Variants in ATRNL1 observed in about 807,000 individuals in gnomAD.
ATRNL1 encodes the protein attractin like 1.
Under a neutral mutation model 182.7 loss-of-function variants are expected in ATRNL1, and 95 were observed. That is an observed-to-expected ratio of 0.52 (90% confidence interval 0.44 to 0.62). The LOEUF (loss-of-function observed/expected upper bound fraction) is 0.62. ATRNL1 is among the 20% of genes least tolerant of loss of function. ATRNL1 has a pLI of 0.00. For missense variants in ATRNL1, 1,471 were observed against 1,679.5 expected (o/e 0.88, Z 2.17); for synonymous variants, 576 against 568.3 (o/e 1.01, Z -0.19).
chr10:115,606,945 C>A (rs940770819), intron 26 of ATRNL1, among the ~76,000 whole-genome samples: 1 of 151,976 alleles, frequency 6.6e-6, no homozygotes, highest in Admixed American at 6.6e-5. Context: ...TAACTGTCAG[C>A]GTTTGTTACA....
intron 17 of ATRNL1, among the ~76,000 whole-genome samples, chr10:115,304,139 A>C (rs1313763862): frequency 6.6e-6 from 1 of 152,140 alleles, no homozygotes; most frequent in African/African-American, 2.4e-5. Flanking sequence ...TTTTCCTAGG[A>C]GTGTAGGCCA....
intron 8 of ATRNL1, among the ~76,000 whole-genome samples, chr10:115,207,467 G>A (rs1215671899): frequency 6.6e-6 from 1 of 151,870 alleles, no homozygotes; most frequent in Non-Finnish European, 1.5e-5. Context: ...TCATATGTCT[G>A]TTGGCAATAG....
At chr10:115,257,488 T>C (rs1471509724) in intron 10 of ATRNL1, among the ~76,000 whole-genome samples, 1 of 152,228 alleles carries the variant, frequency 6.6e-6, no homozygotes, top group Non-Finnish European at 1.5e-5. Flanking sequence ...TTGGTAGATC[T>C]TCCTCCATCC....
At chr10:115,673,679 A>G (rs1945770888) in intron 26 of ATRNL1, among the ~76,000 whole-genome samples, 1 of 152,162 alleles carries the variant, frequency 6.6e-6, no homozygotes. Flanking sequence ...TGTGTTTTCC[A>G]GTGATGACCA....
chr10:115,492,426 T>C (rs983926477), intron 24 of ATRNL1, among the ~76,000 whole-genome samples: 4 of 152,106 alleles, frequency 2.6e-5, no homozygotes, highest in African/African-American at 9.6e-5. Flanking sequence ...ATTCTTCATA[T>C]TCTTGCATCA....
chr10:115,219,040 G>T (rs959372701), intron 9 of ATRNL1, among the ~76,000 whole-genome samples: 8 of 152,042 alleles, frequency 5.3e-5, no homozygotes, highest in African/African-American at 1.9e-4. Context: ...TTTGAGACCA[G>T]CCTGGCCAAT....
chr10:115,801,014 C>T (rs1565391088), intron 27 of ATRNL1, among the ~76,000 whole-genome samples: 1 of 152,230 alleles, frequency 6.6e-6, no homozygotes, highest in South Asian at 2.1e-4. Flanking sequence ...AACAGGTTCA[C>T]ATCCCCATCT....
chr10:115,476,885 T>G (rs1285066656), intron 24 of ATRNL1, among the ~76,000 whole-genome samples: 2 of 151,488 alleles, frequency 1.3e-5, no homozygotes, highest in Non-Finnish European at 3.0e-5. Flanking sequence ...CACAGTTTAT[T>G]TATATTTATT....
intron 24 of ATRNL1, among the ~76,000 whole-genome samples, chr10:115,477,971 G>A (rs1409469361): frequency 6.6e-6 from 1 of 151,608 alleles, no homozygotes; most frequent in African/African-American, 2.4e-5. Flanking sequence ...CTCATTGTCA[G>A]TAAGCAGTAG....
intron 28 of ATRNL1, among the ~76,000 whole-genome samples, chr10:115,876,153 T>G (rs1239731552): frequency 2.0e-5 from 3 of 152,226 alleles, no homozygotes; most frequent in African/African-American, 7.2e-5. Context: ...AGGCAGCATA[T>G]TTAATGGTCA....
intron 27 of ATRNL1, among the ~76,000 whole-genome samples, chr10:115,759,962 G>T (rs955487156): frequency 7.4e-5 from 11 of 149,114 alleles, no homozygotes; most frequent in Non-Finnish European, 1.2e-4. Context: ...AAAGTGCTGC[G>T]ATTACAAGCG....
At position 115,334,483 on chromosome 10, in the gene ATRNL1, C is replaced by T. The variant is rs189748153; in HGVS notation, c.3175+64C>T. On this transcript the variant is annotated intron_variant, in intron 19 of 28. Coordinates refer to ENST00000355044, the MANE Select transcript of ATRNL1 (RefSeq NM_207303.4). Reference sequence around the variant, plus strand: ...AAGGAAAAGATAATTAAGAAAGCAGCGCCTGTTGTGGAGAATATATACTAC... The same window carrying T: ...AAGGAAAAGATAATTAAGAAAGCAGTGCCTGTTGTGGAGAATATATACTAC... 1.9e-5 allele frequency: 25 copies of T among 1,305,918 alleles called. No individual in the cohort carries two copies. In the East Asian group the frequency reaches 3.9e-4, roughly 20 times the overall value. The allele number at this position is 1,305,918 out of a possible 1,614,324, so 80.9% of individuals were successfully genotyped here.
chr10:115,592,541 C>T (rs371879660), intron 26 of ATRNL1, among the ~76,000 whole-genome samples: 2 of 152,138 alleles, frequency 1.3e-5, no homozygotes, highest in African/African-American at 2.4e-5. Context: ...TACTCCACCC[C>T]GCTAAGTCCT....
At chr10:115,249,601 T>A (rs1850789211) in intron 10 of ATRNL1, among the ~76,000 whole-genome samples, 1 of 152,150 alleles carries the variant, frequency 6.6e-6, no homozygotes, top group Non-Finnish European at 1.5e-5. Context: ...TTATGTGTAT[T>A]GAGTATATGG....
chr10:115,385,098 G>T (rs782516023), intron 19 of ATRNL1, among the ~76,000 whole-genome samples: 3 of 151,958 alleles, frequency 2.0e-5, no homozygotes, highest in Non-Finnish European at 4.4e-5. Context: ...ATTTGTAAAC[G>T]TATGTGTCAC....
intron 28 of ATRNL1, among the ~76,000 whole-genome samples, chr10:115,895,517 C>A (rs10490985): frequency 0.085 from 13,012 of 152,262 alleles, 648 homozygotes; most frequent in Middle Eastern, 0.19. Context: ...CTTCATCTGA[C>A]AAACCCTCAG....
At chr10:115,701,014 T>C (rs1946718210) in intron 26 of ATRNL1, among the ~76,000 whole-genome samples, 1 of 152,028 alleles carries the variant, frequency 6.6e-6, no homozygotes, top group Non-Finnish European at 1.5e-5. Flanking sequence ...ATTCTTCTCA[T>C]CTGCACATGA....
chr10:115,155,428 G>C (rs1195581902), intron 5 of ATRNL1, among the ~76,000 whole-genome samples: 1 of 151,606 alleles, frequency 6.6e-6, no homozygotes, highest in Non-Finnish European at 1.5e-5. Context: ...TAAATATTAA[G>C]CATTTTACTT....
chr10:115,564,380 C>A (rs1262019494), intron 26 of ATRNL1, among the ~76,000 whole-genome samples: 1 of 151,928 alleles, frequency 6.6e-6, no homozygotes, highest in Non-Finnish European at 1.5e-5. Flanking sequence ...ATTCCCACAG[C>A]CCATTCAAAC....
Sources: allele counts gnomAD v4.1 joint callset (sites outside exome capture counted in the v4.1 genomes callset), GRCh38; gene constraint gnomAD v4.1.1; transcripts MANE v1.5; gene names NCBI Gene and HGNC (gene_info 2026-07-23, HGNC 2026-07-21).